Variants in ROBO2 observed in about 807,000 individuals in gnomAD.
The protein encoded by ROBO2 is roundabout homolog 2.
A neutral mutation model predicts 160.8 loss-of-function variants in ROBO2; 53 were observed. That is an observed-to-expected ratio of 0.33 (90% confidence interval 0.26 to 0.41). The LOEUF is 0.41. Ranked by LOEUF, ROBO2 falls within the 10% of genes least tolerant of loss-of-function variation. The probability of loss-of-function intolerance (pLI) is 1.00; values close to 1 mark genes in which losing one functional copy is unlikely to be tolerated. For synonymous variants in ROBO2, 664 were observed against 611.7 expected (o/e 1.09, Z -1.26); for missense variants, 1,577 against 1,722.4 (o/e 0.92, Z 1.49).
intron 1 of ROBO2, among the ~76,000 whole-genome samples, chr3:77,048,372 A>G (rs948658232): frequency 6.6e-6 from 1 of 152,174 alleles, no homozygotes; most frequent in Admixed American, 6.5e-5. Flanking sequence ...TTTCCATTGC[A>G]TCATAAGCTG....
intron 2 of ROBO2, among the ~76,000 whole-genome samples, chr3:76,272,650 G>C (rs1007392591): frequency 1.2e-5 from 1 of 83,092 alleles, no homozygotes; most frequent in Non-Finnish European, 3.2e-5. Flanking sequence ...GCGAAAGAGC[G>C]AGACCCTGTC....
At chr3:77,455,243 A>G (rs922623787) in intron 2 of ROBO2, among the ~76,000 whole-genome samples, 2 of 152,204 alleles carry the variant, frequency 1.3e-5, no homozygotes, top group African/African-American at 4.8e-5. Context: ...GGAAATACTG[A>G]ATCATTGACG....
intron 2 of ROBO2, among the ~76,000 whole-genome samples, chr3:77,345,118 G>A (rs1240856476): frequency 6.6e-6 from 1 of 152,064 alleles, no homozygotes; most frequent in African/African-American, 2.4e-5. Flanking sequence ...GAGTTAAGAT[G>A]TCAGCCAAAA....
At chr3:76,422,106 G>A (rs1391645821) in intron 2 of ROBO2, among the ~76,000 whole-genome samples, 1 of 152,118 alleles carries the variant, frequency 6.6e-6, no homozygotes, top group African/African-American at 2.4e-5. Context: ...ATTCCACTTC[G>A]GTGTGATGAA....
At chr3:77,605,237 T>G (rs746471345) in intron 20 of ROBO2, among the ~76,000 whole-genome samples, 19 of 151,086 alleles carry the variant, frequency 1.3e-4, no homozygotes, top group Non-Finnish European at 1.9e-4. Flanking sequence ...AAAGAGTTTA[T>G]ATATGTAAGT....
intron 20 of ROBO2, among the ~76,000 whole-genome samples, chr3:77,605,021 CCAAGCATGGTGGCA>C (rs2094498741): frequency 6.6e-6 from 1 of 151,470 alleles, no homozygotes; most frequent in Admixed American, 6.6e-5. Context: ...CAAAAATTAG[CCAAGCATGGTGGCA>C]CTCGACTGTA....
At chr3:77,415,902 G>T (rs745856609) in intron 2 of ROBO2, among the ~76,000 whole-genome samples, 1 of 152,158 alleles carries the variant, frequency 6.6e-6, no homozygotes, top group African/African-American at 2.4e-5. Context: ...CAGCTTGTTC[G>T]TTCCTGCAGC....
chr3:76,511,535 A>G (rs1178521011), intron 2 of ROBO2, among the ~76,000 whole-genome samples: 1 of 151,778 alleles, frequency 6.6e-6, no homozygotes, highest in Non-Finnish European at 1.5e-5. Context: ...ATATCTTTAG[A>G]TCAAATAAAG....
At chr3:76,569,446 G>C (rs1011730513) in intron 2 of ROBO2, among the ~76,000 whole-genome samples, 82 of 152,194 alleles carry the variant, frequency 5.4e-4, no homozygotes, top group African/African-American at 2.0e-3. Flanking sequence ...AGTCAGGCCA[G>C]GTTTTGCCAC....
chr3:77,180,153 A>G (rs1250747205), intron 2 of ROBO2, among the ~76,000 whole-genome samples: 1 of 152,188 alleles, frequency 6.6e-6, no homozygotes, highest in South Asian at 2.1e-4. Context: ...GTTTACCACT[A>G]AAAACACTTG....
intron 2 of ROBO2, among the ~76,000 whole-genome samples, chr3:76,771,702 T>C (rs1164669704): frequency 5.3e-5 from 8 of 151,380 alleles, no homozygotes; most frequent in Middle Eastern, 3.4e-3. Context: ...AACAATATTA[T>C]GCAAAATAAA....
intron 2 of ROBO2, among the ~76,000 whole-genome samples, chr3:76,514,935 C>A (rs1436477485): frequency 6.6e-6 from 1 of 152,184 alleles, no homozygotes; most frequent in Non-Finnish European, 1.5e-5. Context: ...TGGTTTGAGA[C>A]ACACACAAGT....
At chr3:77,398,575 T>C (rs1019983245) in intron 2 of ROBO2, among the ~76,000 whole-genome samples, 3 of 152,034 alleles carry the variant, frequency 2.0e-5, no homozygotes, top group African/African-American at 4.8e-5. Flanking sequence ...GCCTCTTTTT[T>C]CTTTGTATTT....
intron 2 of ROBO2, among the ~76,000 whole-genome samples, chr3:77,355,739 A>G (rs1256769199): frequency 6.6e-6 from 1 of 152,218 alleles, no homozygotes; most frequent in East Asian, 1.9e-4. Context: ...TCATCAAAAC[A>G]AAACATAACA....
Position 76,194,352 on chromosome 3 carries a change from A to ATGT in ROBO2, c.109+256750_109+256751insTGT, listed in dbSNP as rs745940652. Among the ~76,000 whole-genome samples the ATGT allele has an allele frequency of 1.4e-3, 141 of 104,154 alleles. 6 individuals carry two copies. The highest frequency in any genetic ancestry group is 4.5e-4 in the Non-Finnish European group (25 of 54,972). The allele number at this position is 104,154 out of a possible 152,430, so 68.3% of individuals were successfully genotyped here. A position where few individuals can be genotyped will look rare whatever the true frequency, so the allele number is the denominator to read the frequency against. On this transcript the variant is annotated intron_variant, in intron 2 of 26. Transcript: ENST00000487694. ...ATCTATATAAATATGTATGGTGTGTAAATATATATATATATATATATATAT... is the reference window on the plus strand; with the variant it reads ...ATCTATATAAATATGTATGGTGTGTATGTAATATATATATATATATATATATAT...
intron 2 of ROBO2, among the ~76,000 whole-genome samples, chr3:75,967,258 G>C (rs1319155728): frequency 6.6e-6 from 1 of 151,564 alleles, no homozygotes; most frequent in Non-Finnish European, 1.5e-5. Flanking sequence ...ATTTGAGATA[G>C]TTCATATCCC....
rs1487722279 is a variant in ROBO2 at position 76,417,494 on chromosome 3, G to A, written c.109+479892G>A. Among the ~76,000 whole-genome samples the A allele has an allele frequency of 5.9e-5, 9 of 152,152 alleles. No homozygotes were observed. The South Asian group carries it at 1.0e-3, about 18-fold the overall frequency. On this transcript the variant is annotated intron_variant, in intron 2 of 26. Coordinates refer to the ROBO2 transcript ENST00000487694. Reference sequence around the variant, plus strand: ...AAGGAGAATGAACATCTTTTATTCTGGTCCATTATGCTTTCTCCTTCATAA... The same window carrying A: ...AAGGAGAATGAACATCTTTTATTCTAGTCCATTATGCTTTCTCCTTCATAA...
At chr3:75,987,254 C>G (rs1377043627) in intron 2 of ROBO2, among the ~76,000 whole-genome samples, 1 of 151,922 alleles carries the variant, frequency 6.6e-6, no homozygotes, top group Non-Finnish European at 1.5e-5. Context: ...ACAAGTCTTT[C>G]ATATCCCTGG....
At chr3:77,359,451 C>T (rs1295292090) in intron 2 of ROBO2, among the ~76,000 whole-genome samples, 1 of 152,148 alleles carries the variant, frequency 6.6e-6, no homozygotes, top group Non-Finnish European at 1.5e-5. Context: ...TTTGAAAAAA[C>T]ATTTACCTGT....
Sources: gnomAD v4.1 joint callset for allele counts (sites outside exome capture counted in the v4.1 genomes callset) on GRCh38, gnomAD v4.1.1 for gene constraint, MANE v1.5 for transcripts, NCBI Gene and HGNC (gene_info 2026-07-23, HGNC 2026-07-21) for gene names.